Variants in CELF2 observed in about 807,000 individuals in gnomAD.
CELF2 encodes CUG triplet repeat RNA-binding protein 2.
In CELF2, 8 loss-of-function variants were observed where a neutral mutation model predicts 62.6. The observed-to-expected ratio is 0.13, with a 90% confidence interval of 0.07 to 0.23. CELF2 has a LOEUF of 0.23. CELF2 is among the 10% of genes least tolerant of loss of function. The pLI is 1.00. For missense variants in CELF2, 333 were observed against 671.0 expected, an observed-to-expected ratio of 0.50 and a Z score of 5.56; for synonymous variants, 258 against 250.0, an observed-to-expected ratio of 1.03 and a Z score of -0.30.
intron 2 of CELF2, among the ~76,000 whole-genome samples, chr10:10,985,495 A>T (rs1234262292): frequency 2.0e-5 from 3 of 152,120 alleles, no homozygotes; most frequent in Non-Finnish European, 4.4e-5. Context: ...CCCAACACAG[A>T]CTATTCTTGC....
At chr10:10,920,754 G>C (rs1240696698) in intron 2 of CELF2, among the ~76,000 whole-genome samples, 1 of 148,444 alleles carries the variant, frequency 6.7e-6, no homozygotes, top group Non-Finnish European at 1.5e-5. Context: ...GGTAAGACTG[G>C]GGAGGCAAGA....
the CELF2 span, among the ~76,000 whole-genome samples, chr10:10,691,319 C>T: frequency 7.7e-3 from 1,160 of 150,718 alleles, 4 homozygotes; most frequent in African/African-American, 0.01. Flanking sequence ...ATCCATGTCC[C>T]TACAAAGGAC....
In CELF2 at chr10:11,269,511, GGA is replaced by G. The variant is rs200878151; in HGVS notation, c.619-1143_619-1142del. 3.1e-3 allele frequency among the ~76,000 whole-genome samples: 468 copies of G among 152,094 alleles called. 5 individuals are homozygous for G. The highest frequency in any genetic ancestry group is 5.2e-3 in the Non-Finnish European group (351 of 67,974). On this transcript the variant is annotated intron_variant, in intron 6 of 12. Coordinates refer to ENST00000633077, the MANE Select transcript of CELF2 (RefSeq NM_001326342.2). This position sits in a 1 kb window ranked among gnomAD's most constrained non-coding sequence, Gnocchi z 4.4. ...AAATAGGAATATAACATTTCTGAGA[GGA>G]GAGAGAGAGAGGTCTATTATCATGC...
rs552326081 is a variant in CELF2, at chr10:11,274,412, A to T, written c.778-645A>T. On this transcript the variant is annotated intron_variant, in intron 7 of 12. Coordinates refer to ENST00000633077, the MANE Select transcript of CELF2 (RefSeq NM_001326342.2). ...AAAATGCAGACTTTCTCATAGGTATATTAATGTTTTTGAAGATTGACATTT... is the reference window on the plus strand; with the variant it reads ...AAAATGCAGACTTTCTCATAGGTATTTTAATGTTTTTGAAGATTGACATTT... Among the ~76,000 whole-genome samples, 57 of 152,350 alleles carry T rather than the reference A, an allele frequency of 3.7e-4. No individual in the cohort carries two copies. In the South Asian group the frequency reaches 0.01, roughly 28 times the overall value.
intron 1 of CELF2, among the ~76,000 whole-genome samples, chr10:10,833,472 C>T (rs1166445128): frequency 6.6e-6 from 1 of 152,116 alleles, no homozygotes; most frequent in East Asian, 1.9e-4. Flanking sequence ...AAGAGTAAGA[C>T]CTTGCTGTAA....
At chr10:11,265,307 T>C (rs2081898213) in intron 5 of CELF2, among the ~76,000 whole-genome samples, 1 of 152,244 alleles carries the variant, frequency 6.6e-6, no homozygotes, top group Non-Finnish European at 1.5e-5. Flanking sequence ...GAAATGACAA[T>C]AGACGTCAGC....
intron 2 of CELF2, chr10:10,937,536 A>C (rs1247649501): frequency 6.6e-6 from 1 of 152,142 alleles, no homozygotes; most frequent in Non-Finnish European, 1.5e-5. Context: ...TCAAACTCTG[A>C]GTTACTATAA....
rs960202146 is a variant in CELF2 at position 11,280,153 on chromosome 10, G to T, written c.841+5033G>T. Among the ~76,000 whole-genome samples, 1 of 152,132 alleles carries T rather than the reference G, an allele frequency of 6.6e-6. No individual in the cohort carries two copies. Among genetic ancestry groups the T allele is most frequent in the Non-Finnish European group, 1.5e-5 (1 of 68,018 alleles). On this transcript the variant is annotated intron_variant, in intron 8 of 12. Transcript: ENST00000633077. The surrounding 1 kb of genome is among the most constrained non-coding windows in gnomAD (Gnocchi z 7.6). ...AGAGGGGCTGAGATGGGGAAAGGAC[G>T]GGGCACCCACATACCTCAGAAAAGA... is the stretch of plus-strand genomic sequence containing the variant.
At chr10:10,492,209 T>C in the CELF2 span, among the ~76,000 whole-genome samples, 102 of 152,354 alleles carry the variant, frequency 6.7e-4, 3 homozygotes, top group Non-Finnish European at 3.4e-4. Context: ...AGACAGCCTC[T>C]GATCACATCT....
chr10:11,125,222 A>G (rs1271145469), intron 1 of CELF2, among the ~76,000 whole-genome samples: 1 of 152,206 alleles, frequency 6.6e-6, no homozygotes, highest in Non-Finnish European at 1.5e-5. Context: ...AGCAGGGGCC[A>G]TACAAACCAA....
the CELF2 span, among the ~76,000 whole-genome samples, chr10:10,490,538 G>A: frequency 6.7e-6 from 1 of 149,556 alleles, no homozygotes; most frequent in African/African-American, 2.5e-5. Flanking sequence ...TCATCCCAGA[G>A]ATTATCATTT....
chr10:11,209,799 G>GAAA (rs2061365728), intron 2 of CELF2, among the ~76,000 whole-genome samples: 1 of 96,078 alleles, frequency 1.0e-5, no homozygotes, highest in Admixed American at 1.1e-4. Flanking sequence ...AAAAAAAAAG[G>GAAA]TATTAAATTC....
chr10:11,228,593 T>G (rs928475870), intron 3 of CELF2, among the ~76,000 whole-genome samples: 12 of 152,178 alleles, frequency 7.9e-5, no homozygotes, highest in Admixed American at 2.6e-4. Flanking sequence ...ACTTACAATT[T>G]ACTAATATTT....
At chr10:11,041,070 G>T (rs186141014) in intron 1 of CELF2, among the ~76,000 whole-genome samples, 124 of 152,328 alleles carry the variant, frequency 8.1e-4, no homozygotes, top group Non-Finnish European at 1.5e-3. Flanking sequence ...TTGGTTCTTG[G>T]TGAGGGCTCT....
intron 1 of CELF2, among the ~76,000 whole-genome samples, chr10:11,078,141 A>T (rs2072679207): frequency 6.6e-6 from 1 of 151,764 alleles, no homozygotes; most frequent in African/African-American, 2.4e-5. Flanking sequence ...AGTCTAATAG[A>T]TACAGATACT....
the CELF2 span, among the ~76,000 whole-genome samples, chr10:10,647,225 G>T: frequency 6.6e-6 from 1 of 152,014 alleles, no homozygotes; most frequent in African/African-American, 2.4e-5. Context: ...TCCTCCTCCA[G>T]TCTCAACCCT....
intron 1 of CELF2, among the ~76,000 whole-genome samples, chr10:10,856,074 A>G (rs12763782): frequency 0.13 from 20,053 of 152,150 alleles, 1,690 homozygotes; most frequent in Non-Finnish European, 0.19. Flanking sequence ...TTTCTGGAGA[A>G]CTTAAAAATT....
chr10:11,251,972 T>C (rs924863505), intron 4 of CELF2, among the ~76,000 whole-genome samples: 1 of 152,210 alleles, frequency 6.6e-6, no homozygotes, highest in Non-Finnish European at 1.5e-5. Context: ...AGTCTTCTAG[T>C]TGGGCCAGTG....
chr10:11,296,916 T>C lies in CELF2; in HGVS notation c.976+8364T>C, dbSNP rs938127855. ...CATTTAATCAGCAAATGGAAGTTCA[T>C]CTCACTTTTCACAAGCATGGACATA... On this transcript the variant is annotated intron_variant, in intron 9 of 12. Coordinates refer to ENST00000633077, the MANE Select transcript of CELF2 (RefSeq NM_001326342.2). The surrounding 1 kb of genome is among the most constrained non-coding windows in gnomAD (Gnocchi z 5.0). Among the ~76,000 whole-genome samples, 5 of 152,210 alleles carry C rather than the reference T, an allele frequency of 3.3e-5. No individual in the cohort carries two copies. Among genetic ancestry groups the C allele is most frequent in the African/African-American group, 4.8e-5 (2 of 41,450 alleles).
Sources: gnomAD v4.1 joint callset for allele counts (sites outside exome capture counted in the v4.1 genomes callset) on GRCh38, gnomAD v4.1.1 for gene constraint, Gnocchi (gnomAD v3.1) non-coding constraint, MANE v1.5 for transcripts, NCBI Gene and HGNC (gene_info 2026-07-23, HGNC 2026-07-21) for gene names.